WWOX: variants seen among roughly 807,000 people sequenced by gnomAD.
WWOX encodes the protein WW domain containing oxidoreductase.
In WWOX, 69 loss-of-function variants were observed where a neutral mutation model predicts 46.2. The observed-to-expected ratio is 1.49, with a 90% CI of 1.23 to 1.82. WWOX has a LOEUF of 1.82. WWOX is among the 40% of genes most tolerant of loss of function. WWOX has a pLI of 0.00. For missense variants in WWOX, 919 were observed against 542.6 expected (o/e 1.69, Z -6.89); for synonymous variants, 359 against 202.6 (o/e 1.77, Z -6.56).
chr16:78,570,203 A>G (rs2044679070), intron 8 of WWOX, among the ~76,000 whole-genome samples: 1 of 152,222 alleles, frequency 6.6e-6, no homozygotes, highest in African/African-American at 2.4e-5. Context: ...AGTGAGGTGG[A>G]AATAAAGAAT....
intron 8 of WWOX, among the ~76,000 whole-genome samples, chr16:79,167,613 G>A (rs1232464408): frequency 6.6e-6 from 1 of 152,184 alleles, no homozygotes; most frequent in Admixed American, 6.5e-5. Flanking sequence ...AATGCCCACA[G>A]TGCCCAAGTC....
intron 6 of WWOX, among the ~76,000 whole-genome samples, chr16:78,424,619 A>G (rs2083032724): frequency 6.6e-6 from 1 of 152,172 alleles, no homozygotes; most frequent in Admixed American, 6.5e-5. Context: ...AAAGTTCCGT[A>G]TCCTAATAAG....
chr16:78,354,400 C>G (rs1375622586), intron 5 of WWOX, among the ~76,000 whole-genome samples: 1 of 145,690 alleles, frequency 6.9e-6, no homozygotes, highest in Non-Finnish European at 1.5e-5. Context: ...CAGAGGGACT[C>G]AGGCACTTTA....
chr16:78,124,377 T>C (rs1025884456), intron 4 of WWOX: 3 of 152,186 alleles, frequency 2.0e-5, no homozygotes, highest in Non-Finnish European at 2.9e-5. Context: ...ATAAATAAGA[T>C]GCTGACAGTT....
At position 78,452,360 on chromosome 16, in the gene WWOX, C is replaced by T. The variant is rs370300293; in HGVS notation, c.1056+19608C>T. 5.9e-5 allele frequency among the ~76,000 whole-genome samples: 9 copies of T among 152,214 alleles called. No individual in the cohort carries two copies. The East Asian group carries it at 1.7e-3, about 29-fold the overall frequency. ...TTACTGATTGCTATCATGCAGTCTG[C>T]CAGCAGACCAGATGGCAGATCTTTT... On this transcript the variant is annotated intron_variant, in intron 8 of 8. Coordinates refer to ENST00000566780, the MANE Select transcript of WWOX (RefSeq NM_016373.4).
chr16:78,401,267 T>C (rs1002907614), intron 6 of WWOX, among the ~76,000 whole-genome samples: 1 of 148,510 alleles, frequency 6.7e-6, no homozygotes, highest in Non-Finnish European at 1.5e-5. Context: ...GTGAAGATAG[T>C]AAATTAACAA....
chr16:78,728,694 A>G (rs926145227), intron 8 of WWOX, among the ~76,000 whole-genome samples: 2 of 152,194 alleles, frequency 1.3e-5, no homozygotes, highest in Non-Finnish European at 2.9e-5. Context: ...ACAGGTCTAC[A>G]TGATCTGTAT....
chr16:78,643,858 A>G (rs1597387552), intron 8 of WWOX, among the ~76,000 whole-genome samples: 2 of 151,608 alleles, frequency 1.3e-5, no homozygotes, highest in Non-Finnish European at 2.9e-5. Flanking sequence ...TCCCAGCCTG[A>G]GACAGTTGCC....
At chr16:78,309,453 C>G (rs1278396949) in intron 5 of WWOX, among the ~76,000 whole-genome samples, 1 of 152,118 alleles carries the variant, frequency 6.6e-6, no homozygotes, top group Non-Finnish European at 1.5e-5. Context: ...GGCTAATATA[C>G]CACGTATGAC....
At chr16:78,465,079 A>G (rs1567589055) in intron 8 of WWOX, among the ~76,000 whole-genome samples, 1 of 152,150 alleles carries the variant, frequency 6.6e-6, no homozygotes, top group South Asian at 2.1e-4. Context: ...TTTATTCACT[A>G]TCAAGGGAAC....
At chr16:78,780,718 C>G (rs542359341) in intron 8 of WWOX, among the ~76,000 whole-genome samples, 1 of 152,210 alleles carries the variant, frequency 6.6e-6, no homozygotes, top group Non-Finnish European at 1.5e-5. Context: ...AGTGCAGGGT[C>G]CCTGAGGCAG....
intron 5 of WWOX, among the ~76,000 whole-genome samples, chr16:78,217,248 C>G (rs929702286): frequency 6.6e-6 from 1 of 152,142 alleles, no homozygotes; most frequent in Non-Finnish European, 1.5e-5. Flanking sequence ...TTCCTAACTT[C>G]TCCTGCCTGC....
chr16:79,204,635 G>A (rs59879442), intron 8 of WWOX: 27,144 of 152,100 alleles, frequency 0.18, 2,571 homozygotes, highest in East Asian at 0.27. Flanking sequence ...ACAGTTTGTC[G>A]ACTTGGAAAC....
At chr16:79,059,362 A>C (rs2048319942) in intron 8 of WWOX, among the ~76,000 whole-genome samples, 1 of 152,266 alleles carries the variant, frequency 6.6e-6, no homozygotes, top group Non-Finnish European at 1.5e-5. Context: ...GTTCTCAAAC[A>C]CTTTAACAAT....
intron 8 of WWOX, among the ~76,000 whole-genome samples, chr16:78,831,311 T>C (rs182711410): frequency 6.3e-4 from 96 of 152,298 alleles, no homozygotes; most frequent in Middle Eastern, 3.4e-3. Flanking sequence ...AGGATTGATA[T>C]CCCCTGAAGT....
chr16:78,828,362 A>G (rs527464115), intron 8 of WWOX, among the ~76,000 whole-genome samples: 2 of 152,264 alleles, frequency 1.3e-5, no homozygotes, highest in Non-Finnish European at 2.9e-5. Flanking sequence ...GAGGTGAGTG[A>G]GAAGAACGGA....
At position 78,324,080 on chromosome 16, in the gene WWOX, G is replaced by C. The variant is rs57842560; in HGVS notation, c.517-62780G>C. Among the ~76,000 whole-genome samples the C allele has an allele frequency of 6.8e-4, 104 of 152,192 alleles. No individual in the cohort carries two copies. In the East Asian group the frequency reaches 0.019, roughly 28 times the overall value. On this transcript the variant is annotated intron_variant, in intron 5 of 8. Coordinates refer to ENST00000566780, the MANE Select transcript of WWOX (RefSeq NM_016373.4). ...CAGGTAGTTTAAGTGACTTGTTCAA[G>C]GCTACAGTAAGCTTGAAGTGGCAAG...
At chr16:79,035,934 C>G (rs1343696597) in intron 8 of WWOX, among the ~76,000 whole-genome samples, 1 of 152,216 alleles carries the variant, frequency 6.6e-6, no homozygotes, top group Non-Finnish European at 1.5e-5. Context: ...CAGACTGTCT[C>G]AAGATCTTAG....
chr16:78,790,808 C>G (rs1442200854), intron 8 of WWOX, among the ~76,000 whole-genome samples: 1 of 151,866 alleles, frequency 6.6e-6, no homozygotes, highest in East Asian at 1.9e-4. Flanking sequence ...TCACTTAAGC[C>G]TAGGGTTGAA....
Sources: gnomAD v4.1 joint callset for allele counts (sites outside exome capture counted in the v4.1 genomes callset) on GRCh38, gnomAD v4.1.1 for gene constraint, MANE v1.5 for transcripts, NCBI Gene and HGNC (gene_info 2026-07-23, HGNC 2026-07-21) for gene names.